Variants in RP1 observed in about 807,000 individuals in gnomAD.
The protein encoded by RP1 is oxygen-regulated protein 1.
In RP1, 16 loss-of-function variants were observed where a neutral mutation model predicts 14.8. The ratio of observed to expected loss-of-function variants is 1.08; its 90% CI spans 0.73 to 1.65. The LOEUF (loss-of-function observed/expected upper bound fraction) is 1.65. Ranked by LOEUF, RP1 falls within the 40% of genes most tolerant of loss-of-function variation. The probability of loss-of-function intolerance (pLI) is 0.00; values close to 1 mark genes in which losing one functional copy is unlikely to be tolerated. For synonymous variants in RP1, 876 were observed against 883.6 expected, an observed-to-expected ratio of 0.99 and a Z score of 0.15; for missense variants, 2,631 against 2,535.0, an observed-to-expected ratio of 1.04 and a Z score of -0.81.
chr8:54,646,579 TGAATCTTC>T (rs1308732997), intron 3 of RP1, among the ~76,000 whole-genome samples: 2 of 152,222 alleles, frequency 1.3e-5, no homozygotes, highest in Non-Finnish European at 2.9e-5. Context: ...AACTGAAAGA[TGAATCTTC>T]GTTCATGATC....
At chr8:54,803,795 C>A (rs1585706011) in intron 24 of RP1, among the ~76,000 whole-genome samples, 1 of 152,094 alleles carries the variant, frequency 6.6e-6, no homozygotes. Flanking sequence ...ATGGGCCGGG[C>A]ACAATGGCTC....
exon 21 of RP1, chr8:54,755,761 A>G: frequency 6.6e-7 from 1 of 1,526,098 alleles, no homozygotes; most frequent in Non-Finnish European, 8.8e-7. Flanking sequence ...TAAAATTTCA[A>G]AGAGGACAGG....
intron 28 of RP1, chr8:54,869,765 T>TA (rs1812540157): frequency 2.0e-6 from 1 of 511,992 alleles, no homozygotes; most frequent in African/African-American, 2.0e-5. Flanking sequence ...TTTCCATATG[T>TA]TTTTTTTTCC....
intron 3 of RP1, among the ~76,000 whole-genome samples, chr8:54,622,647 C>T (rs2129314969): frequency 6.6e-6 from 1 of 152,330 alleles, no homozygotes; most frequent in South Asian, 2.1e-4. Context: ...TAGTACCATG[C>T]AGCATCCATA....
exon 14 of RP1, chr8:54,701,652 T>C: frequency 1.3e-6 from 2 of 1,534,798 alleles, no homozygotes; most frequent in South Asian, 1.2e-5. Flanking sequence ...GAATTTGTGA[T>C]TTTTGTCAAG....
intron 24 of RP1, among the ~76,000 whole-genome samples, chr8:54,822,658 G>A (rs913938432): frequency 1.2e-4 from 18 of 152,178 alleles, no homozygotes; most frequent in Non-Finnish European, 2.2e-4. Flanking sequence ...GCAATGAAGG[G>A]AAAAATATAG....
At chr8:54,701,644 A>T (rs1472952456) in exon 14 of RP1, 2 of 1,534,522 alleles carry the variant, frequency 1.3e-6, no homozygotes, top group Admixed American at 2.0e-5. Context: ...TTTCAAAAGA[A>T]TTTGTGATTT....
At chr8:54,843,820 G>A (rs548654935) in intron 25 of RP1, among the ~76,000 whole-genome samples, 1 of 152,272 alleles carries the variant, frequency 6.6e-6, no homozygotes, top group East Asian at 1.9e-4. Context: ...AGGGAAGCAG[G>A]CCCGCTGTTG....
At chr8:54,811,459 T>C (rs2129393188) in intron 24 of RP1, among the ~76,000 whole-genome samples, 1 of 152,340 alleles carries the variant, frequency 6.6e-6, no homozygotes, top group East Asian at 1.9e-4. Context: ...CAACATTTTC[T>C]ATACCTGCAC....
intron 23 of RP1, among the ~76,000 whole-genome samples, chr8:54,775,911 A>G (rs1037889683): frequency 6.6e-6 from 1 of 152,208 alleles, no homozygotes; most frequent in African/African-American, 2.4e-5. Context: ...ATTGCTTAGG[A>G]TGTTGGGACA....
intron 28 of RP1, among the ~76,000 whole-genome samples, chr8:54,866,356 A>C (rs559255609): frequency 7.1e-4 from 108 of 152,150 alleles, no homozygotes; most frequent in Non-Finnish European, 1.5e-3. Flanking sequence ...TGAACTGTGA[A>C]CTCTAATGCA....
chr8:54,674,511 CAAA>C (rs34448195), intron 8 of RP1, among the ~76,000 whole-genome samples: 2 of 101,304 alleles, frequency 2.0e-5, no homozygotes, highest in Non-Finnish European at 2.0e-5. Flanking sequence ...GGACACATAC[CAAA>C]AAAAAAAAAA....
At chr8:54,661,783 C>CT (rs917973361) in intron 6 of RP1, among the ~76,000 whole-genome samples, 12 of 152,012 alleles carry the variant, frequency 7.9e-5, no homozygotes, top group African/African-American at 2.4e-4. Context: ...CCCTGAGGTT[C>CT]TTTTTTTTAA....
intron 1 of RP1, among the ~76,000 whole-genome samples, chr8:54,603,972 T>C (rs1314276399): frequency 6.6e-6 from 1 of 152,230 alleles, no homozygotes; most frequent in Non-Finnish European, 1.5e-5. Flanking sequence ...TATACGATCA[T>C]GTCATCTGCA....
chr8:54,663,809 C>A, exon 7 of RP1: 1 of 1,532,096 alleles, frequency 6.5e-7, no homozygotes, highest in Non-Finnish European at 8.7e-7. Context: ...ATCCAGACAA[C>A]TATTTAGATC....
At chr8:54,801,191 G>C (rs189087163) in intron 24 of RP1, among the ~76,000 whole-genome samples, 1 of 152,064 alleles carries the variant, frequency 6.6e-6, no homozygotes, top group African/African-American at 2.4e-5. Context: ...AATTGGCTTG[G>C]GTCTGTCTAC....
chr8:54,668,550 A>G, intron 7 of RP1, among the ~76,000 whole-genome samples: 2 of 152,202 alleles, frequency 1.3e-5, no homozygotes, highest in African/African-American at 4.8e-5. Context: ...GGAACCAAAA[A>G]AGAGCCCACA....
At chr8:54,600,394 G>C (rs1274453373) in intron 1 of RP1, among the ~76,000 whole-genome samples, 1 of 152,194 alleles carries the variant, frequency 6.6e-6, no homozygotes, top group African/African-American at 2.4e-5. Flanking sequence ...CATGAGAACA[G>C]ACTAATACAG....
chr8:54,596,567 T>G (rs1417687734), intron 1 of RP1, among the ~76,000 whole-genome samples: 1 of 152,200 alleles, frequency 6.6e-6, no homozygotes, highest in African/African-American at 2.4e-5. Context: ...AGGATGGATT[T>G]ACCCAACTCT....
Sources: allele counts gnomAD v4.1 joint callset (sites outside exome capture counted in the v4.1 genomes callset), GRCh38; gene constraint gnomAD v4.1.1; transcripts MANE v1.5; gene names NCBI Gene and HGNC (gene_info 2026-07-23, HGNC 2026-07-21).